The following GYG1 variants were observed in gnomAD, a reference collection of about 807,000 sequenced individuals.
The protein encoded by GYG1 is glycogenin-1.
A neutral mutation model predicts 41.9 loss-of-function variants in GYG1; 44 were observed. That is an observed-to-expected ratio of 1.05 (90% CI 0.83 to 1.35). The LOEUF (loss-of-function observed/expected upper bound fraction) is 1.35, where lower values mean the gene tolerates loss of function less well. Ranked by LOEUF, GYG1 falls within the 40% of genes most tolerant of loss-of-function variation. The pLI is 0.00. For synonymous variants in GYG1, 141 were observed against 158.1 expected, an observed-to-expected ratio of 0.89 and a Z score of 0.81; for missense variants, 429 against 418.9, an observed-to-expected ratio of 1.02 and a Z score of -0.21.
At chr3:149,003,193 G>A (rs534618156) in intron 4 of GYG1, among the ~76,000 whole-genome samples, 30 of 148,514 alleles carry the variant, frequency 2.0e-4, no homozygotes, top group African/African-American at 7.5e-4. Context: ...TCGGCTCACT[G>A]CAACCTCTGC....
At chr3:149,024,314 T>C in intron 6 of GYG1, 42 bp downstream of exon 6, 1 of 1,169,532 alleles carries the variant, frequency 8.6e-7, no homozygotes, top group Non-Finnish European at 1.3e-6. Flanking sequence ...AATGCTGCTT[T>C]TTAAAAAAAT....
At chr3:149,014,010 A>G (rs929958895) in intron 5 of GYG1, among the ~76,000 whole-genome samples, 1 of 152,176 alleles carries the variant, frequency 6.6e-6, no homozygotes, top group African/African-American at 2.4e-5. Context: ...CTGCTCACTC[A>G]AGGCCTCAGA....
chr3:149,009,114 G>T (rs1055187533), intron 4 of GYG1, 162 bp from the exon 5 acceptor site: 1 of 575,988 alleles, frequency 1.7e-6, no homozygotes, highest in Non-Finnish European at 3.0e-6. Context: ...AGCTGAGATC[G>T]TGCCACTGCA....
Position 149,014,754 on chromosome 3 carries a change from G to C in GYG1, c.608+5352G>C, listed in dbSNP as rs540602072. On this transcript the variant is annotated intron_variant, in intron 5 of 7. Coordinates refer to ENST00000345003, the MANE Select transcript of GYG1 (RefSeq NM_004130.4). ...GTAGTGGTGCATGCCTGTAATCCCA[G>C]CTACTCAGAAGGCTGAGGCAGAAGA... Among the ~76,000 whole-genome samples, 9 of 151,768 alleles carry C rather than the reference G, an allele frequency of 5.9e-5. 1 individual carries two copies. The highest frequency in any genetic ancestry group is 2.2e-4 in the African/African-American group (9 of 41,374).
chr3:149,010,863 G>A (rs1713686598), intron 5 of GYG1, among the ~76,000 whole-genome samples: 1 of 152,204 alleles, frequency 6.6e-6, no homozygotes, highest in African/African-American at 2.4e-5. Context: ...TCCTGAGTTA[G>A]CGGAAAACAA....
chr3:149,020,291 C>G (rs1015383196), intron 5 of GYG1, among the ~76,000 whole-genome samples: 4 of 152,182 alleles, frequency 2.6e-5, no homozygotes, highest in African/African-American at 9.7e-5. Flanking sequence ...TTAGGCATAC[C>G]TTTTTCACTT....
chr3:149,003,484 C>G (rs1212607750), intron 4 of GYG1, among the ~76,000 whole-genome samples: 3 of 152,120 alleles, frequency 2.0e-5, no homozygotes, highest in Admixed American at 2.0e-4. Flanking sequence ...TGGAACCTAT[C>G]TGAATCTTCC....
At chr3:149,008,935 A>T in intron 4 of GYG1, 1 of 254,992 alleles carries the variant, frequency 3.9e-6, no homozygotes, top group South Asian at 4.7e-5. Context: ...AGGCAGGTGT[A>T]TCACTTGAGA....
chr3:148,992,194 C>T (rs1358902469), intron 1 of GYG1, among the ~76,000 whole-genome samples: 2 of 152,272 alleles, frequency 1.3e-5, no homozygotes, highest in African/African-American at 4.8e-5. Context: ...AGCCGGGAGT[C>T]GGACTAGCGT....
chr3:149,004,852 A>G (rs539214811), intron 4 of GYG1, among the ~76,000 whole-genome samples: 3 of 152,312 alleles, frequency 2.0e-5, no homozygotes, highest in African/African-American at 7.2e-5. Context: ...CCTGTGGCAC[A>G]CAGCTGATGG....
chr3:149,010,992 G>T (rs543103008), intron 5 of GYG1, among the ~76,000 whole-genome samples: 41 of 152,144 alleles, frequency 2.7e-4, no homozygotes, highest in Non-Finnish European at 4.7e-4. Flanking sequence ...TCTTTTCTGG[G>T]AAGACTCTAT....
chr3:149,014,867 C>G (rs1208431644), intron 5 of GYG1, among the ~76,000 whole-genome samples: 1 of 111,020 alleles, frequency 9.0e-6, no homozygotes, highest in Admixed American at 9.4e-5. Context: ...GACTCTGTCT[C>G]AAAAAAAAAA....
intron 5 of GYG1, among the ~76,000 whole-genome samples, chr3:149,019,517 C>G (rs1013730564): frequency 4.6e-5 from 7 of 152,160 alleles, no homozygotes; most frequent in African/African-American, 1.7e-4. Context: ...CCCTTAAGAT[C>G]CCAGTTTCTA....
At chr3:149,000,962 T>C (rs769906664) in intron 4 of GYG1, 16 of 152,236 alleles carry the variant, frequency 1.1e-4, no homozygotes, top group Admixed American at 2.6e-4. Context: ...AGTACAGTAA[T>C]GTTTTAAAAT....
intron 4 of GYG1, among the ~76,000 whole-genome samples, chr3:149,001,789 G>C (rs939052802): frequency 1.1e-4 from 17 of 151,808 alleles, no homozygotes; most frequent in African/African-American, 4.1e-4. Flanking sequence ...GGGTGGTGGT[G>C]GTGGGTGGTT....
At chr3:149,025,820 G>A (rs1714620316) in intron 6 of GYG1, among the ~76,000 whole-genome samples, 1 of 152,118 alleles carries the variant, frequency 6.6e-6, no homozygotes, top group African/African-American at 2.4e-5. Context: ...GCAGGTGAAG[G>A]GAGAGTTACA....
chr3:149,013,149 A>T (rs1713833555), intron 5 of GYG1, among the ~76,000 whole-genome samples: 1 of 152,168 alleles, frequency 6.6e-6, no homozygotes, highest in African/African-American at 2.4e-5. Context: ...CACTGTGCCC[A>T]GCCCATAAAT....
rs1192076438 is a variant in GYG1 at position 148,996,433 on chromosome 3, T to G, written c.275T>G (p.Leu92Arg). The change falls in exon 3 of 8, where the codon CTT becomes CGT. Residue 92 changes from leucine to arginine, a missense_variant. By Grantham distance (102) the Leu-to-Arg change is moderately radical. Coordinates refer to ENST00000345003, the MANE Select transcript of GYG1 (RefSeq NM_004130.4). ...VTLTKLHCWSLTQYSKCVFMD... is the reference protein window; with the variant it reads ...VTLTKLHCWSRTQYSKCVFMD... ...CTGACAAAGCTCCACTGCTGGTCGC[T>G]TACACAGTATTCAAAATGTGTATTC... 2.5e-6 allele frequency: 4 copies of G among 1,613,952 alleles called. No homozygotes were observed. The highest frequency in any genetic ancestry group is 3.4e-6 in the Non-Finnish European group (4 of 1,179,976).
chr3:149,015,621 T>A (rs1406470409), intron 5 of GYG1, among the ~76,000 whole-genome samples: 1 of 152,014 alleles, frequency 6.6e-6, no homozygotes, highest in Non-Finnish European at 1.5e-5. Flanking sequence ...AATGTGGAGG[T>A]TCCTGGTGAC....
Sources: gnomAD v4.1 joint callset for allele counts (sites outside exome capture counted in the v4.1 genomes callset) on GRCh38, gnomAD v4.1.1 for gene constraint, MANE v1.5 for transcripts, NCBI Gene and HGNC (gene_info 2026-07-23, HGNC 2026-07-21) for gene names.